The following LDHA variants were observed in gnomAD, a reference collection of about 807,000 sequenced individuals.
LDHA encodes L-lactate dehydrogenase A chain.
In LDHA, 10 loss-of-function variants were observed where a neutral mutation model predicts 36.3. The ratio of observed to expected loss-of-function variants is 0.28; its 90% CI spans 0.17 to 0.47. LDHA has a LOEUF of 0.47. Ranked by LOEUF, LDHA falls within the 20% of genes least tolerant of loss-of-function variation. The probability of loss-of-function intolerance (pLI) is 0.99; values close to 1 mark genes in which losing one functional copy is unlikely to be tolerated. For synonymous variants in LDHA, 110 were observed against 136.7 expected, an observed-to-expected ratio of 0.80 and a Z score of 1.36; for missense variants, 267 against 405.8, an observed-to-expected ratio of 0.66 and a Z score of 2.94.
chr11:18,405,817 A>C lies in LDHA; in HGVS notation c.834+245A>C, dbSNP rs1054080023. The C allele has an allele frequency of 9.5e-6, 4 of 420,636 alleles. No homozygotes were observed. The Admixed American group carries it at 1.6e-4, about 17-fold the overall frequency. The allele number at this position is 420,636 out of a possible 1,614,324, so 26.1% of individuals were successfully genotyped here. On this transcript the variant is annotated intron_variant, in intron 7 of 7. Coordinates refer to ENST00000422447, the MANE Select transcript of LDHA (RefSeq NM_005566.4). Reference sequence around the variant, plus strand: ...AAGTCTTGTTCAATTATGCTGAGGTAGGTGGAAGACTATAAAAGAAATAAA... The same window carrying C: ...AAGTCTTGTTCAATTATGCTGAGGTCGGTGGAAGACTATAAAAGAAATAAA...
chr11:18,397,167 G>A, intron 2 of LDHA, 199 bp downstream of exon 2: 1 of 533,228 alleles, frequency 1.9e-6, no homozygotes, highest in South Asian at 2.8e-5. Context: ...AGAATCAAAG[G>A]TTGTCAGGCT....
chr11:18,399,739 G>A, intron 3 of LDHA, 191 bp downstream of exon 3: 1 of 594,526 alleles, frequency 1.7e-6, no homozygotes, highest in South Asian at 1.8e-5. Context: ...GGGACTATAG[G>A]GTATGCTACC....
chr11:18,407,406 AAACATC>A lies in LDHA; in HGVS notation c.*129_*134del. On this transcript the variant is annotated 3_prime_UTR_variant, in exon 8 of 8. Transcript: ENST00000422447. Reference sequence around the variant, plus strand: ...GTAATATTTTAAGATGGACTGGGAAAAACATCAACTCCTGAAGTTAGAAATAAGAAT... The same window carrying A: ...GTAATATTTTAAGATGGACTGGGAAAAACTCCTGAAGTTAGAAATAAGAAT... 1 of 1,562,568 alleles carries A rather than the reference AAACATC, an allele frequency of 6.4e-7. No homozygotes were observed. Among genetic ancestry groups the A allele is most frequent in the Non-Finnish European group, 8.7e-7 (1 of 1,148,742 alleles).
rs145889467 is a variant in LDHA, at chr11:18,407,233, G to A, written c.951G>A (p.Lys317=). The change falls in exon 8 of 8, where the codon AAG becomes AAA. Residue 317 remains lysine (K), a synonymous_variant. Transcript: ENST00000422447. The part of the protein sequence containing the change: ...TLTSEEEARL[K]KSADTLWGIQ... The stretch of plus-strand genomic sequence containing the variant: ...CTTCTGAGGAAGAGGCCCGTTTGAA[G>A]AAGAGTGCAGATACACTTTGGGGGA... 573 of 1,613,938 alleles carry A rather than the reference G, an allele frequency of 3.6e-4. 4 individuals carry two copies. The East Asian group carries it at 0.012, about 35-fold the overall frequency.
At chr11:18,402,476 T>G in intron 4 of LDHA, 2 of 277,024 alleles carry the variant, frequency 7.2e-6, no homozygotes, top group Non-Finnish European at 1.4e-5. Flanking sequence ...TAAAAGTTTT[T>G]TTGTAGAGAT....
chr11:18,402,010 G>A (rs1403887999), intron 4 of LDHA, among the ~76,000 whole-genome samples: 2 of 116,894 alleles, frequency 1.7e-5, no homozygotes, highest in Non-Finnish European at 3.4e-5. Context: ...AGGCTGGAGT[G>A]CAGTGGTTCG....
At chr11:18,402,087 C>G (rs561688509) in intron 4 of LDHA, among the ~76,000 whole-genome samples, 1 of 150,746 alleles carries the variant, frequency 6.6e-6, no homozygotes, top group South Asian at 2.1e-4. Flanking sequence ...CTCCCAAGAG[C>G]TGGGATTACA....
Position 18,407,322 on chromosome 11 carries a change from C to T in LDHA, c.*41C>T, listed in dbSNP as rs377516196. On this transcript the variant is annotated 3_prime_UTR_variant, in exon 8 of 8. Transcript: ENST00000422447. ...TATCATTTCACTGTCTAGGCTACAA[C>T]AGGATTCTAGGTGGAGGTTGTGCAT... The T allele has an allele frequency of 6.1e-5, 99 of 1,612,046 alleles. No individual in the cohort carries two copies. In the African/African-American group the frequency reaches 1.1e-3, roughly 18 times the overall value.
Position 18,396,950 on chromosome 11 carries a change from C to T in LDHA, c.108C>T (p.Ala36=). 2 of 1,614,126 alleles carry T rather than the reference C, an allele frequency of 1.2e-6. No individual in the cohort carries two copies. The highest frequency in any genetic ancestry group is 8.5e-7 in the Non-Finnish European group (1 of 1,180,002). The change falls in exon 2 of 8, where the codon GCC becomes GCT. Residue 36 remains alanine (A), a synonymous_variant. Transcript: ENST00000422447. The stretch of plus-strand genomic sequence containing the variant: ...TTGGTGCTGTTGGCATGGCCTGTGC[C>T]ATCAGTATCTTAATGAAGGTAAGTG... ...VGVGAVGMAC[A]ISILMKDLAD...
intron 7 of LDHA, 81 bp from the exon 8 acceptor site, chr11:18,407,030 TTTATAA>T (rs1866709885): frequency 7.6e-6 from 8 of 1,053,130 alleles, no homozygotes; most frequent in Non-Finnish European, 9.7e-6. Flanking sequence ...AAAAAAAAGC[TTTATAA>T]TTATAGAGAC....
rs1418975031 is a variant in LDHA at position 18,400,482 on chromosome 11, C to CAT, written c.245-355_245-354insAT. 1.0e-3 allele frequency: 349 copies of CAT among 344,084 alleles called. 7 individuals carry two copies. The highest frequency in any genetic ancestry group is 1.3e-3 in the African/African-American group (60 of 44,744). 21.3% of individuals were successfully genotyped at this position (344,084 alleles called of 1,614,324 possible). On this transcript the variant is annotated intron_variant, in intron 3 of 7. Coordinates refer to ENST00000422447, the MANE Select transcript of LDHA (RefSeq NM_005566.4). ...ACACACACACACACACACACACACA[C>CAT]GAAATTGCCTGTTCCTGGGCTGATA...
chr11:18,394,917 C>T (rs1866239067), intron 1 of LDHA: 2 of 349,556 alleles, frequency 5.7e-6, no homozygotes, highest in Admixed American at 3.8e-5. Flanking sequence ...GTCGAAAGCC[C>T]GGGTGGATGC....
chr11:18,401,955 C>CTCTTTTTTTTTTTT (rs59534512), intron 4 of LDHA, among the ~76,000 whole-genome samples: 4 of 52,256 alleles, frequency 7.7e-5, no homozygotes, highest in Non-Finnish European at 1.1e-4. Context: ...TTGTTATTCT[C>CTCTTTTTTTTTTTT]TTTTTTTTTT....
chr11:18,405,237 A>G (rs1269653746), intron 6 of LDHA, among the ~76,000 whole-genome samples: 1 of 152,156 alleles, frequency 6.6e-6, no homozygotes, highest in African/African-American at 2.4e-5. Context: ...GGACATTGGA[A>G]AGATTGTCAT....
chr11:18,401,172 G>A (rs944518573), intron 4 of LDHA, 162 bp downstream of exon 4: 8 of 296,988 alleles, frequency 2.7e-5, no homozygotes, highest in Admixed American at 1.2e-4. Flanking sequence ...ATTTTGAGGC[G>A]GAGTTTTGCT....
chr11:18,394,773 G>C (rs1458965069), intron 1 of LDHA, 137 bp downstream of exon 1: 1 of 406,636 alleles, frequency 2.5e-6, no homozygotes, highest in Non-Finnish European at 5.0e-6. Flanking sequence ...CAGAAGCACA[G>C]CCCAGAGACG....
Position 18,400,961 on chromosome 11 carries a change from T to C in LDHA, c.369T>C (p.Asn123=). The C allele has an allele frequency of 2.5e-6, 4 of 1,613,506 alleles. No individual in the cohort carries two copies. The highest frequency in any genetic ancestry group is 3.3e-4 in the Middle Eastern group (2 of 6,058). ...NVNIFKFIIP[N]VVKYSPNCKL... ...ACATCTTTAAATTCATCATTCCTAA[T>C]GTTGTAAAATACAGCCCGAACTGCA... Residue 123 remains asparagine, a synonymous_variant, in exon 4 of 8, where the codon AAT becomes AAC. Coordinates refer to ENST00000422447, the MANE Select transcript of LDHA (RefSeq NM_005566.4).
intron 6 of LDHA, among the ~76,000 whole-genome samples, chr11:18,404,636 G>A (rs866111192): frequency 3.0e-4 from 45 of 151,256 alleles, no homozygotes; most frequent in African/African-American, 1.0e-3. Flanking sequence ...GTGAAACCCC[G>A]TCTCTACTAA....
At chr11:18,397,003 C>T in intron 2 of LDHA, 35 bp downstream of exon 2, 1 of 1,604,336 alleles carries the variant, frequency 6.2e-7, no homozygotes, top group Non-Finnish European at 8.5e-7. Flanking sequence ...AAGCCCATAC[C>T]TTGACCCCAT....
Sources: allele counts gnomAD v4.1 joint callset (sites outside exome capture counted in the v4.1 genomes callset), GRCh38; gene constraint gnomAD v4.1.1; transcripts MANE v1.5; gene names NCBI Gene and HGNC (gene_info 2026-07-23, HGNC 2026-07-21).